The following FZD3 variants were observed in gnomAD, a reference collection of about 807,000 sequenced individuals.
FZD3 encodes the protein frizzled class receptor 3, also known as frizzled-3.
FZD3 carries 30 observed loss-of-function variants against 60.7 expected under a neutral mutation model. The ratio of observed to expected loss-of-function variants is 0.49; its 90% CI spans 0.37 to 0.67. FZD3 has a LOEUF of 0.67. Among genes scored for constraint, FZD3 ranks in the 30% least tolerant of loss-of-function variants. The pLI, the probability that FZD3 is intolerant of heterozygous loss-of-function variation, is 0.00. For synonymous variants in FZD3, 246 were observed against 275.2 expected (o/e 0.89, Z 1.05); for missense variants, 605 against 838.7 (o/e 0.72, Z 3.44).
chr8:28,570,854 G>C lies in FZD3; in HGVS notation c.*7843G>C, dbSNP rs1183305219. The C allele has an allele frequency of 6.6e-6, 1 of 152,054 alleles. No homozygotes were observed. Among genetic ancestry groups the C allele is most frequent in the African/African-American group, 2.4e-5 (1 of 41,412 alleles). 9.4% of individuals were successfully genotyped at this position (152,054 alleles called of 1,614,324 possible). ...TCTGATGAGTAGAGAATAGTGGAAA[G>C]TTGATATAGGAAGGTATACTGGTTT... On this transcript the variant is annotated 3_prime_UTR_variant, in exon 8 of 8. Coordinates refer to ENST00000240093, the MANE Select transcript of FZD3 (RefSeq NM_017412.4).
In FZD3 at chr8:28,570,584, C is replaced by T. The variant is rs1181708834; in HGVS notation, c.*7573C>T. 1.3e-5 allele frequency: 2 copies of T among 150,420 alleles called. No homozygotes were observed. Among genetic ancestry groups the T allele is most frequent in the South Asian group, 2.1e-4 (1 of 4,754 alleles). The allele number at this position is 150,420 out of a possible 1,614,324, so 9.3% of individuals were successfully genotyped here. Reference sequence around the variant, plus strand: ...AGCTTGCAGTGAGCTGAGATCGCACCGCTGCACTCCAGCCTGGGCAACGGA... The same window carrying T: ...AGCTTGCAGTGAGCTGAGATCGCACTGCTGCACTCCAGCCTGGGCAACGGA... On this transcript the variant is annotated 3_prime_UTR_variant, in exon 8 of 8. Coordinates refer to ENST00000240093, the MANE Select transcript of FZD3 (RefSeq NM_017412.4).
chr8:28,494,476 C>T (rs1207635692), intron 1 of FZD3, 133 bp downstream of exon 1: 4 of 152,028 alleles, frequency 2.6e-5, no homozygotes, highest in African/African-American at 9.7e-5. Context: ...CAGCAGCAGC[C>T]CGGCGCCTCC....
At chr8:28,508,678 TTTTGTTTGTTTGTTTGTTTG>T in intron 3 of FZD3, among the ~76,000 whole-genome samples, 1 of 151,442 alleles carries the variant, frequency 6.6e-6, no homozygotes. Context: ...TTTTTGTGTT[TTTTGTTTGTTTGTTTGTTTG>T]TTTGTTTGTA....
rs1805812716 is a variant in FZD3 at position 28,571,892 on chromosome 8, A to G, written c.*8881A>G. 2 of 152,194 alleles carry G rather than the reference A, an allele frequency of 1.3e-5. No individual in the cohort carries two copies. Among genetic ancestry groups the G allele is most frequent in the South Asian group, 4.1e-4 (2 of 4,828 alleles). 9.4% of individuals were successfully genotyped at this position (152,194 alleles called of 1,614,324 possible). Reference sequence around the variant, plus strand: ...GAAGCTGTTTCGTCAAAATTAAAATACTTTACCAAAAAAATACTTTTTTGT... The same window carrying G: ...GAAGCTGTTTCGTCAAAATTAAAATGCTTTACCAAAAAAATACTTTTTTGT... On this transcript the variant is annotated 3_prime_UTR_variant, in exon 8 of 8. Coordinates refer to ENST00000240093, the MANE Select transcript of FZD3 (RefSeq NM_017412.4).
chr8:28,512,853 T>C (rs1011472430), intron 3 of FZD3, among the ~76,000 whole-genome samples: 1 of 152,156 alleles, frequency 6.6e-6, no homozygotes, highest in African/African-American at 2.4e-5. Flanking sequence ...TTTAAGAGAA[T>C]AGTATAATGT....
At chr8:28,500,395 T>C (rs1303105658) in intron 2 of FZD3, among the ~76,000 whole-genome samples, 1 of 152,234 alleles carries the variant, frequency 6.6e-6, no homozygotes, top group African/African-American at 2.4e-5. Flanking sequence ...CAGCTAGTTT[T>C]AAAGGCTCAG....
chr8:28,524,562 A>G (rs1045289605), intron 4 of FZD3, among the ~76,000 whole-genome samples: 3 of 152,122 alleles, frequency 2.0e-5, no homozygotes, highest in Non-Finnish European at 2.9e-5. Flanking sequence ...TAAGAGAACT[A>G]TTGTGATCTG....
chr8:28,504,287 G>C (rs918558331), intron 3 of FZD3, among the ~76,000 whole-genome samples: 3 of 152,126 alleles, frequency 2.0e-5, no homozygotes, highest in African/African-American at 7.2e-5. Context: ...CTGAGTACAC[G>C]AGGTCTAAGT....
At chr8:28,554,959 C>T (rs958518711) in intron 6 of FZD3, among the ~76,000 whole-genome samples, 5 of 152,086 alleles carry the variant, frequency 3.3e-5, no homozygotes, top group Admixed American at 2.6e-4. Flanking sequence ...CTAACCTTTA[C>T]AACTGTTTAA....
Position 28,527,097 on chromosome 8 carries a change from A to G in FZD3, c.387-50A>G. ...TGGAAATCCAAACTGTTAGATCGTG[A>G]TAGATTTCCCCATAAGTAAAAATAG... On this transcript the variant is annotated intron_variant, in intron 4 of 7. Transcript: ENST00000240093. The surrounding 1 kb of genome is among the most constrained non-coding windows in gnomAD (Gnocchi z 5.0). The G allele has an allele frequency of 6.8e-7, 1 of 1,476,672 alleles. No homozygotes were observed. Among genetic ancestry groups the G allele is most frequent in the East Asian group, 2.3e-5 (1 of 44,136 alleles). 91.5% of individuals were successfully genotyped at this position (1,476,672 alleles called of 1,614,324 possible).
intron 5 of FZD3, among the ~76,000 whole-genome samples, chr8:28,529,080 T>A (rs1489830077): frequency 6.6e-6 from 1 of 152,046 alleles, no homozygotes; most frequent in Non-Finnish European, 1.5e-5. Context: ...CATGCCCAGC[T>A]AATTTTTTAT....
In FZD3 at chr8:28,567,081, A is replaced by C. The variant is rs954734413; in HGVS notation, c.*4070A>C. On this transcript the variant is annotated 3_prime_UTR_variant, in exon 8 of 8. Coordinates refer to ENST00000240093, the MANE Select transcript of FZD3 (RefSeq NM_017412.4). ...ATTATAACCTTGAACTCCTAGGCTC[A>C]AGCAGTCCTCCAGCTTCAGCCTCCC... 1 of 152,252 alleles carries C rather than the reference A, an allele frequency of 6.6e-6. No homozygotes were observed. Among genetic ancestry groups the C allele is most frequent in the Non-Finnish European group, 1.5e-5 (1 of 68,076 alleles). The allele number at this position is 152,252 out of a possible 1,614,324, so 9.4% of individuals were successfully genotyped here.
At chr8:28,528,220 T>C in intron 5 of FZD3, 56 bp downstream of exon 5, 2 of 1,329,336 alleles carry the variant, frequency 1.5e-6, no homozygotes, top group South Asian at 2.7e-5. Context: ...CAAAAGCATA[T>C]TACTATAATG....
intron 3 of FZD3, among the ~76,000 whole-genome samples, chr8:28,508,620 C>A (rs1178367944): frequency 6.6e-6 from 1 of 152,064 alleles, no homozygotes; most frequent in Non-Finnish European, 1.5e-5. Context: ...CCTACCTCAG[C>A]CTCCTGAGTA....
chr8:28,536,535 C>T (rs1030020944), intron 5 of FZD3, among the ~76,000 whole-genome samples: 8 of 152,108 alleles, frequency 5.3e-5, no homozygotes, highest in African/African-American at 1.4e-4. Flanking sequence ...TGGTGAAAGC[C>T]TATCTGTACT....
rs900476333 is a variant in FZD3 at position 28,494,674 on chromosome 8, C to G, written c.-391+331C>G. Among the ~76,000 whole-genome samples the G allele has an allele frequency of 9.2e-4, 140 of 152,134 alleles. 1 individual carries two copies. The highest frequency in any genetic ancestry group is 1.6e-3 in the Non-Finnish European group (112 of 67,940). On this transcript the variant is annotated intron_variant, in intron 1 of 7. Transcript: ENST00000240093. The stretch of plus-strand genomic sequence containing the variant: ...GCCCCGGGAGACTGTTAACCCTGTC[C>G]GCCCTGAGCCCGCGGCTCGGCAACC...
rs1403961856 is a variant in FZD3 at position 28,512,852 on chromosome 8, A to G, written c.190-7786A>G. ...TTACTGTGGTTTTTATTTTAAGAGA[A>G]TAGTATAATGTACACCCATATAACA... On this transcript the variant is annotated intron_variant, in intron 3 of 7. Transcript: ENST00000240093. 3.3e-5 allele frequency among the ~76,000 whole-genome samples: 5 copies of G among 152,256 alleles called. No individual in the cohort carries two copies. The East Asian group carries it at 9.6e-4, about 29-fold the overall frequency.
At chr8:28,553,809 G>C (rs1391491530) in intron 6 of FZD3, among the ~76,000 whole-genome samples, 1 of 152,148 alleles carries the variant, frequency 6.6e-6, no homozygotes, top group Admixed American at 6.5e-5. Context: ...TTTGGGAAAC[G>C]ACTATAAGAT....
chr8:28,539,668 G>C (rs570485814), intron 5 of FZD3, among the ~76,000 whole-genome samples: 1 of 152,186 alleles, frequency 6.6e-6, no homozygotes, highest in African/African-American at 2.4e-5. Context: ...GTGACCATAG[G>C]CTTGATATAA....
Sources: gnomAD v4.1 joint callset for allele counts (sites outside exome capture counted in the v4.1 genomes callset) on GRCh38, gnomAD v4.1.1 for gene constraint, Gnocchi (gnomAD v3.1) non-coding constraint, MANE v1.5 for transcripts, NCBI Gene and HGNC (gene_info 2026-07-23, HGNC 2026-07-21) for gene names.